USP34: variants seen among roughly 807,000 people sequenced by gnomAD.
The protein encoded by USP34 is ubiquitin carboxyl-terminal hydrolase 34.
A neutral mutation model predicts 460.3 loss-of-function variants in USP34; 70 were observed. The observed-to-expected ratio is 0.15, with a 90% CI of 0.13 to 0.19. The LOEUF (loss-of-function observed/expected upper bound fraction) is 0.19. Among genes scored for constraint, USP34 ranks in the 10% least tolerant of loss-of-function variants. The pLI is 1.00. For missense variants in USP34, 3,985 were observed against 4,236.2 expected (o/e 0.94, Z 1.65); for synonymous variants, 1,647 against 1,405.3 (o/e 1.17, Z -3.85).
intron 35 of USP34, among the ~76,000 whole-genome samples, chr2:61,283,714 T>C (rs1173018450): frequency 6.6e-6 from 1 of 152,090 alleles, no homozygotes. Flanking sequence ...CCTTCCAGGC[T>C]CAAGCAACCC....
chr2:61,379,036 A>G lies in USP34; in HGVS notation c.1015-612T>C, dbSNP rs566546716. ...TAAAAAAACACAACAATTTAACGCA[A>G]GAGAGCAAGTAATATGTCATTATAG... On this transcript the variant is annotated intron_variant, in intron 7 of 79. Coordinates refer to ENST00000398571, the MANE Select transcript of USP34 (RefSeq NM_014709.4). Among the ~76,000 whole-genome samples, 51 of 152,190 alleles carry G rather than the reference A, an allele frequency of 3.4e-4. 1 individual carries two copies. In the South Asian group the frequency reaches 7.1e-3, roughly 21 times the overall value.
chr2:61,267,816 C>T (rs1689097133), intron 41 of USP34, among the ~76,000 whole-genome samples: 1 of 152,114 alleles, frequency 6.6e-6, no homozygotes. Context: ...CGGGGTTTCA[C>T]TGTGTTAGCC....
Position 61,188,660 on chromosome 2 carries a change from C to T in USP34, c.10083G>A (p.Glu3361=), listed in dbSNP as rs200992433. ...TGATGCAGCTGTCTACAGTGTGCTC[C>T]TCATCACTGCTAACACGCCGCCTTT... ...PIKRRRVSSD[E]EHTVDSCISD... Residue 3361 remains glutamate (E), a synonymous_variant, in exon 80 of 80, where the codon GAG becomes GAA. Coordinates refer to ENST00000398571, the MANE Select transcript of USP34 (RefSeq NM_014709.4). 6.0e-5 allele frequency: 97 copies of T among 1,614,032 alleles called. No homozygotes were observed. The highest frequency in any genetic ancestry group is 6.7e-5 in the Admixed American group (4 of 60,000).
At chr2:61,441,473 T>C (rs1186798481) in intron 1 of USP34, among the ~76,000 whole-genome samples, 1 of 151,928 alleles carries the variant, frequency 6.6e-6, no homozygotes, top group Non-Finnish European at 1.5e-5. Context: ...GGGGAAGAGA[T>C]GTCAGGAGGC....
intron 1 of USP34, 24 bp downstream of exon 1, chr2:61,470,626 C>G (rs1321806633): frequency 6.4e-7 from 1 of 1,566,340 alleles, no homozygotes; most frequent in Middle Eastern, 1.7e-4. Flanking sequence ...TGCACCCCGA[C>G]AGGCCGCTAC....
intron 3 of USP34, among the ~76,000 whole-genome samples, chr2:61,400,039 T>C (rs1211156762): frequency 6.6e-6 from 1 of 150,538 alleles, no homozygotes; most frequent in Non-Finnish European, 1.5e-5. Context: ...ATCCTATTTA[T>C]AGCAGAGAAA....
intron 10 of USP34, among the ~76,000 whole-genome samples, chr2:61,369,845 G>A (rs2103835237): frequency 6.6e-6 from 1 of 151,392 alleles, no homozygotes; most frequent in Non-Finnish European, 1.5e-5. Context: ...TATACAGTTC[G>A]CTATTTATAC....
Position 61,329,783 on chromosome 2 carries a change from C to T in USP34, c.2930+1493G>A, listed in dbSNP as rs186121273. 1.1e-3 allele frequency among the ~76,000 whole-genome samples: 169 copies of T among 152,258 alleles called. 1 individual carries two copies. The highest frequency in any genetic ancestry group is 4.0e-3 in the African/African-American group (166 of 41,536). The stretch of plus-strand genomic sequence containing the variant: ...CCAGGTACAATTCATTGTATCATTT[C>T]ATTAAATTCTTATAAACACTTATAA... On this transcript the variant is annotated intron_variant, in intron 20 of 79. Transcript: ENST00000398571.
intron 1 of USP34, among the ~76,000 whole-genome samples, chr2:61,435,420 C>T (rs1186699): frequency 6.7e-6 from 1 of 149,626 alleles, no homozygotes; most frequent in South Asian, 2.1e-4. Flanking sequence ...TCCTTACAGG[C>T]AAGGAGTGAA....
chr2:61,243,152 T>G (rs980106454), intron 51 of USP34, among the ~76,000 whole-genome samples: 1 of 143,848 alleles, frequency 7.0e-6, no homozygotes, highest in Non-Finnish European at 1.5e-5. Context: ...AGCGTACATT[T>G]TATATTTTTT....
At chr2:61,373,181 A>G (rs978408775) in intron 8 of USP34, among the ~76,000 whole-genome samples, 1 of 152,134 alleles carries the variant, frequency 6.6e-6, no homozygotes, top group African/African-American at 2.4e-5. Context: ...TATTTTTTAA[A>G]TCAATGCAAT....
chr2:61,259,898 G>C lies in USP34; in HGVS notation c.5779-122C>G, dbSNP rs535560643. 9.4e-5 allele frequency: 69 copies of C among 737,688 alleles called. No homozygotes were observed. The African/African-American group carries it at 1.1e-3, about 12-fold the overall frequency. 45.7% of individuals were successfully genotyped at this position (737,688 alleles called of 1,614,324 possible). ...TTTTCATTCTTTTGGCTATATAAAA[G>C]AAAAACACCAACACATTCAATTCTT... On this transcript the variant is annotated intron_variant, in intron 43 of 79. Transcript: ENST00000398571.
intron 71 of USP34, 125 bp from the exon 72 acceptor site, chr2:61,206,249 G>T: frequency 1.4e-6 from 1 of 731,534 alleles, no homozygotes; most frequent in Non-Finnish European, 2.3e-6. Context: ...CATCTTCAGT[G>T]AAAGCTAAGT....
At position 61,313,920 on chromosome 2, in the gene USP34, T is replaced by C. The variant is rs1340634356; in HGVS notation, c.3542+665A>G. 2.6e-5 allele frequency among the ~76,000 whole-genome samples: 4 copies of C among 152,198 alleles called. No homozygotes were observed. In the East Asian group the frequency reaches 7.7e-4, roughly 29 times the overall value. On this transcript the variant is annotated intron_variant, in intron 25 of 79. Coordinates refer to ENST00000398571, the MANE Select transcript of USP34 (RefSeq NM_014709.4). ...TGAAAAAAGTTACTAACTTTAACAATTTTTTTCAACACAGTTCTTAGTACT... is the reference window on the plus strand; with the variant it reads ...TGAAAAAAGTTACTAACTTTAACAACTTTTTTCAACACAGTTCTTAGTACT...
chr2:61,383,626 C>A (rs552653397), intron 5 of USP34, among the ~76,000 whole-genome samples: 1 of 151,840 alleles, frequency 6.6e-6, no homozygotes, highest in African/African-American at 2.4e-5. Flanking sequence ...TCGCTTGAAC[C>A]CCCACCCCCG....
At chr2:61,258,514 T>C (rs1688781223) in intron 44 of USP34, among the ~76,000 whole-genome samples, 1 of 151,648 alleles carries the variant, frequency 6.6e-6, no homozygotes, top group African/African-American at 2.4e-5. Context: ...TCTTGAAAAA[T>C]GAACATCAGA....
At chr2:61,203,044 GA>G (rs1687020105) in intron 75 of USP34, 95 bp downstream of exon 75, 4 of 1,287,136 alleles carry the variant, frequency 3.1e-6, no homozygotes, top group Non-Finnish European at 4.1e-6. Flanking sequence ...TTTAAAAAAA[GA>G]AAAAAAGGAT....
intron 1 of USP34, among the ~76,000 whole-genome samples, chr2:61,460,531 C>A (rs377635350): frequency 1.8e-4 from 27 of 152,134 alleles, no homozygotes; most frequent in South Asian, 4.1e-4. Context: ...GGTGAAAGTT[C>A]TTAAAATAAT....
intron 41 of USP34, among the ~76,000 whole-genome samples, chr2:61,273,510 G>A (rs1033918820): frequency 2.0e-5 from 3 of 152,176 alleles, no homozygotes; most frequent in African/African-American, 7.2e-5. Flanking sequence ...CCTGATGTCA[G>A]GAGTTTGAGA....
Sources: allele counts gnomAD v4.1 joint callset (sites outside exome capture counted in the v4.1 genomes callset), GRCh38; gene constraint gnomAD v4.1.1; transcripts MANE v1.5; gene names NCBI Gene and HGNC (gene_info 2026-07-23, HGNC 2026-07-21).